Variants in ATP8B4 observed in about 807,000 individuals in gnomAD.
The protein encoded by ATP8B4 is ATPase phospholipid transporting 8B4 (putative).
A neutral mutation model predicts 145.6 loss-of-function variants in ATP8B4; 133 were observed. That is an observed-to-expected ratio of 0.91 (90% CI 0.79 to 1.05). The LOEUF (loss-of-function observed/expected upper bound fraction) is 1.05. Among genes scored for constraint, ATP8B4 ranks in the 50% least tolerant of loss-of-function variants. The pLI, the probability that ATP8B4 is intolerant of heterozygous loss-of-function variation, is 0.00. For synonymous variants in ATP8B4, 507 were observed against 492.9 expected, an observed-to-expected ratio of 1.03 and a Z score of -0.38; for missense variants, 1,458 against 1,425.2, an observed-to-expected ratio of 1.02 and a Z score of -0.37.
chr15:50,022,100 G>A (rs2049622696), intron 6 of ATP8B4, among the ~76,000 whole-genome samples: 2 of 151,930 alleles, frequency 1.3e-5, no homozygotes, highest in South Asian at 2.1e-4. Flanking sequence ...GGAAAAAAGT[G>A]GAAAGCAAAA....
rs142307975 is a variant in ATP8B4, at chr15:49,974,255, G to C, written c.1035-1465C>G. Among the ~76,000 whole-genome samples the C allele has an allele frequency of 5.9e-4, 90 of 151,772 alleles. No individual in the cohort carries two copies. In the East Asian group the frequency reaches 0.017, roughly 28 times the overall value. ...GCTCCACTATGCCCAGCTAATTTTT[G>C]TATTTTTAGTAGAGACGGGGTTTCA... On this transcript the variant is annotated intron_variant, in intron 12 of 27. Transcript: ENST00000284509.
chr15:49,935,418 C>A (rs1319581792), intron 14 of ATP8B4, among the ~76,000 whole-genome samples: 1 of 152,084 alleles, frequency 6.6e-6, no homozygotes, highest in East Asian at 1.9e-4. Context: ...TTTGCCATAA[C>A]AACTCCTTAA....
chr15:49,954,994 T>C (rs2043431773), intron 14 of ATP8B4, among the ~76,000 whole-genome samples: 1 of 152,182 alleles, frequency 6.6e-6, no homozygotes, highest in South Asian at 2.1e-4. Flanking sequence ...TATGCAGCCA[T>C]TAAAAAATGA....
chr15:49,870,268 T>C (rs540872497), intron 25 of ATP8B4, among the ~76,000 whole-genome samples: 7 of 152,272 alleles, frequency 4.6e-5, no homozygotes, highest in Admixed American at 3.9e-4. Context: ...ACATAATTAT[T>C]ATCCCCTTTT....
At chr15:50,166,007 ACCT>A (rs913667401) in intron 1 of ATP8B4, among the ~76,000 whole-genome samples, 2 of 144,838 alleles carry the variant, frequency 1.4e-5, no homozygotes, top group Non-Finnish European at 3.0e-5. Context: ...ACACACACAC[ACCT>A]CATCTAACTG....
At chr15:50,154,595 C>T (rs1010904581) in intron 1 of ATP8B4, among the ~76,000 whole-genome samples, 3 of 151,998 alleles carry the variant, frequency 2.0e-5, no homozygotes, top group African/African-American at 7.2e-5. Context: ...TTTTTAGAAA[C>T]CTGTTTTTCT....
chr15:50,029,255 A>AAAAAAAAAAAACAAC (rs776952913), intron 6 of ATP8B4, among the ~76,000 whole-genome samples: 2 of 141,162 alleles, frequency 1.4e-5, no homozygotes. Context: ...AAAAAAAAAA[A>AAAAAAAAAAAACAAC]AACAGAAAAA....
intron 1 of ATP8B4, among the ~76,000 whole-genome samples, chr15:50,115,574 T>C (rs1021108797): frequency 1.3e-5 from 2 of 151,454 alleles, no homozygotes; most frequent in African/African-American, 2.4e-5. Flanking sequence ...AGGCCAAGTG[T>C]TGTGAAAGGG....
intron 8 of ATP8B4, among the ~76,000 whole-genome samples, chr15:50,001,180 T>C (rs1001357877): frequency 1.3e-5 from 2 of 152,124 alleles, no homozygotes; most frequent in African/African-American, 4.8e-5. Context: ...ATTTCTGCTC[T>C]TATCTTATTA....
chr15:50,125,094 C>T (rs1250180065), intron 1 of ATP8B4, among the ~76,000 whole-genome samples: 1 of 152,098 alleles, frequency 6.6e-6, no homozygotes, highest in Non-Finnish European at 1.5e-5. Context: ...GACTTTTGGC[C>T]TCCGCTTTTT....
At chr15:50,051,970 A>G (rs1341319471) in intron 3 of ATP8B4, among the ~76,000 whole-genome samples, 1 of 152,226 alleles carries the variant, frequency 6.6e-6, no homozygotes, top group East Asian at 1.9e-4. Flanking sequence ...TAACTTAGTC[A>G]CAGATGATGA....
intron 13 of ATP8B4, among the ~76,000 whole-genome samples, chr15:49,963,083 C>A (rs760357458): frequency 5.9e-5 from 9 of 152,090 alleles, no homozygotes; most frequent in African/African-American, 2.2e-4. Context: ...AAAAACCCGA[C>A]AACCGCCATT....
At chr15:50,085,973 TATATCAA>T (rs1427617536) in intron 2 of ATP8B4, among the ~76,000 whole-genome samples, 3,397 of 37,636 alleles carry the variant, frequency 0.09, 221 homozygotes, top group East Asian at 0.21. Flanking sequence ...TTATATATGA[TATATCAA>T]ATATATCATA....
intron 18 of ATP8B4, 97 bp downstream of exon 18, chr15:49,920,149 G>C: frequency 7.0e-7 from 1 of 1,426,180 alleles, no homozygotes; most frequent in South Asian, 1.3e-5. Flanking sequence ...TCTGCTGTGT[G>C]CAAGATGACT....
intron 14 of ATP8B4, among the ~76,000 whole-genome samples, chr15:49,935,285 G>T (rs2041638742): frequency 6.6e-6 from 1 of 152,024 alleles, no homozygotes; most frequent in African/African-American, 2.4e-5. Context: ...TCCGAACAAT[G>T]ATGTGTAGTG....
At chr15:50,082,518 T>C (rs1057076816) in intron 2 of ATP8B4, among the ~76,000 whole-genome samples, 11 of 152,220 alleles carry the variant, frequency 7.2e-5, no homozygotes, top group African/African-American at 2.4e-4. Context: ...ATCCAGATAG[T>C]TGGAAAATTT....
At chr15:50,156,966 A>G (rs2044429756) in intron 1 of ATP8B4, among the ~76,000 whole-genome samples, 1 of 152,220 alleles carries the variant, frequency 6.6e-6, no homozygotes, top group African/African-American at 2.4e-5. Flanking sequence ...AAAGATTTTT[A>G]GAAACAAGCA....
At chr15:50,117,931 T>C (rs945161898) in intron 1 of ATP8B4, among the ~76,000 whole-genome samples, 1 of 152,076 alleles carries the variant, frequency 6.6e-6, no homozygotes, top group Admixed American at 6.6e-5. Flanking sequence ...TCCTCTGTCA[T>C]ATGTGGGAGC....
intron 24 of ATP8B4, 51 bp downstream of exon 24, chr15:49,879,324 AC>A: frequency 6.7e-7 from 1 of 1,499,662 alleles, no homozygotes; most frequent in Non-Finnish European, 9.1e-7. Context: ...CCCACAAAAA[AC>A]TAAAAGGCAT....
Sources: allele counts gnomAD v4.1 joint callset (sites outside exome capture counted in the v4.1 genomes callset), GRCh38; gene constraint gnomAD v4.1.1; transcripts MANE v1.5; gene names NCBI Gene and HGNC (gene_info 2026-07-23, HGNC 2026-07-21).